Variants in SWAP70 observed in about 807,000 individuals in gnomAD.
SWAP70 encodes the protein switch-associated protein 70.
SWAP70 carries 34 observed loss-of-function variants against 80.2 expected under a neutral mutation model. The ratio of observed to expected loss-of-function variants is 0.42; its 90% CI spans 0.32 to 0.56. SWAP70 has a LOEUF of 0.56. SWAP70 is among the 20% of genes least tolerant of loss of function. The pLI is 0.09. For missense variants in SWAP70, 578 were observed against 690.7 expected (o/e 0.84, Z 1.83); for synonymous variants, 239 against 238.5 (o/e 1.00, Z -0.02).
At position 9,694,301 on chromosome 11, in the gene SWAP70, T is replaced by A. The variant is rs761477660; in HGVS notation, c.240+15T>A. The A allele has an allele frequency of 2.9e-5, 47 of 1,593,620 alleles. No homozygotes were observed. Among genetic ancestry groups the A allele is most frequent in the Non-Finnish European group, 3.8e-5 (44 of 1,170,028 alleles). ...TTTTGGAAAAGGTATGATTCTAACC[T>A]TTTTTTGGGTGTAGCATTGTTTGGT... is the stretch of plus-strand genomic sequence containing the variant. On this transcript the variant is annotated intron_variant, in intron 2 of 11. Coordinates refer to ENST00000318950, the MANE Select transcript of SWAP70 (RefSeq NM_015055.4).
intron 1 of SWAP70, among the ~76,000 whole-genome samples, chr11:9,671,740 A>ATATATAATATAAATATAAAATATATT (rs1274933645): frequency 9.0e-5 from 5 of 55,740 alleles, no homozygotes; most frequent in African/African-American, 2.8e-4. Context: ...CTATGTATAC[A>ATATATAATATAAATATAAAATATATT]TAGAAATATA....
intron 1 of SWAP70, among the ~76,000 whole-genome samples, chr11:9,688,297 GGA>G (rs1483887298): frequency 1.1e-4 from 16 of 152,348 alleles, no homozygotes; most frequent in African/African-American, 2.9e-4. Flanking sequence ...CAGTCTTACA[GGA>G]GAGAGAAATC....
chr11:9,729,571 T>C lies in SWAP70; in HGVS notation c.898+120T>C, dbSNP rs1851269787. ...TGTAGTGCAGTGGTGCTATCTTGGC[T>C]TACTGCAACCTCCACCTCCTGGGTT... is the stretch of plus-strand genomic sequence containing the variant. On this transcript the variant is annotated intron_variant, in intron 6 of 11. Transcript: ENST00000318950. The C allele has an allele frequency of 9.7e-6, 7 of 721,956 alleles. No homozygotes were observed. The South Asian group carries it at 1.2e-4, about 12-fold the overall frequency. The allele number at this position is 721,956 out of a possible 1,614,324, so 44.7% of individuals were successfully genotyped here.
chr11:9,719,179 C>G (rs1851104170), intron 3 of SWAP70, among the ~76,000 whole-genome samples: 2 of 143,852 alleles, frequency 1.4e-5, no homozygotes, highest in African/African-American at 2.6e-5. Flanking sequence ...CTGAGGCAGG[C>G]TGATCACTTG....
intron 2 of SWAP70, among the ~76,000 whole-genome samples, chr11:9,702,544 T>C (rs1850846920): frequency 6.6e-6 from 1 of 152,006 alleles, no homozygotes; most frequent in Admixed American, 6.6e-5. Context: ...TCCAAGTAGC[T>C]TGGGGAGTAG....
At chr11:9,745,179 A>C (rs1176881279) in intron 9 of SWAP70, among the ~76,000 whole-genome samples, 1 of 152,242 alleles carries the variant, frequency 6.6e-6, no homozygotes, top group African/African-American at 2.4e-5. Flanking sequence ...CTCTGGAATG[A>C]GGCCACGGTT....
chr11:9,682,802 A>C (rs187885938), intron 1 of SWAP70, among the ~76,000 whole-genome samples: 96 of 152,122 alleles, frequency 6.3e-4, no homozygotes, highest in Middle Eastern at 6.8e-3. Flanking sequence ...TCAGCCTCCC[A>C]AGTAGCTGGG....
chr11:9,689,125 G>A (rs1850665840), intron 1 of SWAP70, among the ~76,000 whole-genome samples: 1 of 151,944 alleles, frequency 6.6e-6, no homozygotes, highest in Non-Finnish European at 1.5e-5. Context: ...TGCCCATTAC[G>A]CACATCCTGT....
chr11:9,725,557 ATATATATATATATTTTTTTTTT>A (rs1564829516), intron 4 of SWAP70, among the ~76,000 whole-genome samples: 1 of 10,298 alleles, frequency 9.7e-5, no homozygotes, highest in Non-Finnish European at 2.2e-4. Context: ...ATATATATAT[ATATATATATATATTTTTTTTTT>A]TTTTTTTTTC....
intron 1 of SWAP70, among the ~76,000 whole-genome samples, chr11:9,671,831 AATAATAT>A (rs1213328439): frequency 2.1e-5 from 2 of 97,240 alleles, no homozygotes; most frequent in Admixed American, 1.5e-4. Context: ...TATATAATAT[AATAATAT>A]ATAATATATA....
intron 1 of SWAP70, among the ~76,000 whole-genome samples, chr11:9,671,080 T>C (rs1384995729): frequency 7.1e-6 from 1 of 141,536 alleles, no homozygotes; most frequent in Non-Finnish European, 1.5e-5. Flanking sequence ...TATACAAATA[T>C]AAATATAAAT....
chr11:9,675,391 GAGAGAGAGAGAGAGAGAGAGAGA>G (rs2134425642), intron 1 of SWAP70, among the ~76,000 whole-genome samples: 1 of 129,836 alleles, frequency 7.7e-6, no homozygotes, highest in South Asian at 2.9e-4. Context: ...GAGAGAGAGA[GAGAGAGAGAGAGAGAGAGAGAGA>G]GAGAGAGGAG....
intron 2 of SWAP70, among the ~76,000 whole-genome samples, chr11:9,702,826 G>T (rs1850850267): frequency 6.6e-6 from 1 of 152,130 alleles, no homozygotes; most frequent in African/African-American, 2.4e-5. Flanking sequence ...AAATAAAGGG[G>T]TTTCATGCTG....
At chr11:9,664,431 A>G (rs902506108) in intron 1 of SWAP70, among the ~76,000 whole-genome samples, 153 bp downstream of exon 1, 6 of 152,042 alleles carry the variant, frequency 3.9e-5, no homozygotes, top group Non-Finnish European at 7.4e-5. Flanking sequence ...TGGGTCTGAG[A>G]CCGGGATTTG....
chr11:9,748,129 G>C, intron 10 of SWAP70, 73 bp downstream of exon 10: 1 of 1,454,678 alleles, frequency 6.9e-7, no homozygotes, highest in Non-Finnish European at 9.4e-7. Context: ...AGAATTATTT[G>C]CTTAGCTGCC....
At chr11:9,729,927 T>C (rs1457327530) in intron 6 of SWAP70, among the ~76,000 whole-genome samples, 4 of 152,248 alleles carry the variant, frequency 2.6e-5, no homozygotes, top group Non-Finnish European at 5.9e-5. Context: ...TTTTCATTAG[T>C]TTTATTTGCA....
intron 7 of SWAP70, 41 bp from the exon 8 acceptor site, chr11:9,738,172 C>G: frequency 6.7e-7 from 1 of 1,494,592 alleles, no homozygotes. Context: ...TACTTCTACT[C>G]TAACACCTGC....
At chr11:9,689,336 C>G (rs1013701541) in intron 1 of SWAP70, among the ~76,000 whole-genome samples, 2 of 152,232 alleles carry the variant, frequency 1.3e-5, no homozygotes, top group Non-Finnish European at 2.9e-5. Flanking sequence ...ACAGACCACA[C>G]GAGCAGGGCT....
At chr11:9,675,876 T>C (rs2134426630) in intron 1 of SWAP70, among the ~76,000 whole-genome samples, 1 of 152,310 alleles carries the variant, frequency 6.6e-6, no homozygotes, top group East Asian at 1.9e-4. Flanking sequence ...GCACCCATCC[T>C]GTGCACGTTC....
Sources: allele counts gnomAD v4.1 joint callset (sites outside exome capture counted in the v4.1 genomes callset), GRCh38; gene constraint gnomAD v4.1.1; transcripts MANE v1.5; gene names NCBI Gene and HGNC (gene_info 2026-07-23, HGNC 2026-07-21).